Variants in DST observed in about 807,000 individuals in gnomAD.
DST encodes the protein dystonin, also known as bullous pemphigoid antigen.
Under a neutral mutation model 875.2 loss-of-function variants are expected in DST, and 253 were observed. The ratio of observed to expected loss-of-function variants is 0.29; its 90% CI spans 0.26 to 0.32. DST has a LOEUF of 0.32. Among genes scored for constraint, DST ranks in the 10% least tolerant of loss-of-function variants. The pLI, the probability that DST is intolerant of heterozygous loss-of-function variation, is 1.00. For synonymous variants in DST, 3,124 were observed against 3,197.1 expected (o/e 0.98, Z 0.77); for missense variants, 8,287 against 9,111.6 (o/e 0.91, Z 3.68).
At chr6:56,772,859 T>C (rs2099670089) in intron 4 of DST, among the ~76,000 whole-genome samples, 3 of 152,184 alleles carry the variant, frequency 2.0e-5, no homozygotes, top group South Asian at 4.1e-4. Context: ...AGGGTTGTCA[T>C]TGTGACCAAC....
In DST at chr6:56,492,985, A is replaced by T; in HGVS notation, c.20499T>A (p.Ser6833=). ...TQAEQTLNVA[S]RPSLILDTVL... Reference sequence around the variant, plus strand: ...CTGTGTCCAAGATGAGACTTGGCCGAGAAGCTACATTTAGGGTCTGTTCAG... The same window carrying T: ...CTGTGTCCAAGATGAGACTTGGCCGTGAAGCTACATTTAGGGTCTGTTCAG... Residue 6833 remains serine, a synonymous_variant, in exon 84 of 104, where the codon TCT becomes TCA. Transcript: ENST00000680361. 6.2e-7 allele frequency: 1 copy of T among 1,612,756 alleles called. No homozygotes were observed.
intron 92 of DST, among the ~76,000 whole-genome samples, chr6:56,474,580 T>A (rs1180947075): frequency 6.6e-6 from 1 of 152,136 alleles, no homozygotes; most frequent in African/African-American, 2.4e-5. Context: ...ATAACCTGCA[T>A]GGACACATGG....
In DST at chr6:56,632,939, A is replaced by G; in HGVS notation, c.3720T>C (p.Phe1240=). ...CCAGTTGTGTTATATCTGAGCCTGA[A>G]AAGACTTGGGATTCCTGGCTATCTT... ...FLEDSQESQV[F]SGSDITQLEK... The change falls in exon 28 of 104, where the codon TTT becomes TTC. Residue 1240 remains phenylalanine (F), a synonymous_variant. Transcript: ENST00000680361. 1 of 1,614,010 alleles carries G rather than the reference A, an allele frequency of 6.2e-7. No individual in the cohort carries two copies. The highest frequency in any genetic ancestry group is 8.5e-7 in the Non-Finnish European group (1 of 1,179,954).
intron 9 of DST, among the ~76,000 whole-genome samples, chr6:56,691,056 T>C (rs1372871130): frequency 6.6e-6 from 1 of 152,234 alleles, no homozygotes; most frequent in Non-Finnish European, 1.5e-5. Flanking sequence ...GGTCAGTTTA[T>C]GACTTATTTC....
chr6:56,494,296 T>A, intron 82 of DST, 116 bp from the exon 83 acceptor site: 4 of 905,882 alleles, frequency 4.4e-6, no homozygotes, highest in Non-Finnish European at 6.4e-6. Context: ...GTTTGCTCTC[T>A]CAGGGCAACC....
rs2152708373 is a variant in DST at position 56,604,699 on chromosome 6, T to A, written c.9929A>T (p.Asp3310Val). Residue 3310 changes from aspartate to valine, a missense_variant, in exon 40 of 104, where the codon GAC becomes GTC. Transcript: ENST00000680361. Reference sequence around the variant, plus strand: ...ATTATTAATTTCTAAGAATGAATAGTCAGTATTTAAAGTGTTACTGGAGTT... The same window carrying A: ...ATTATTAATTTCTAAGAATGAATAGACAGTATTTAAAGTGTTACTGGAGTT... ...NDNSSNTLNT[D>V]YSFLEINNKK... 3.7e-6 allele frequency: 6 copies of A among 1,612,030 alleles called. No individual in the cohort carries two copies. Among genetic ancestry groups the A allele is most frequent in the Non-Finnish European group, 4.2e-6 (5 of 1,178,798 alleles).
At chr6:56,631,169 G>T in intron 30 of DST, 42 bp downstream of exon 30, 1 of 1,083,944 alleles carries the variant, frequency 9.2e-7, no homozygotes, top group Non-Finnish European at 1.3e-6. Context: ...AAAAATGAGA[G>T]TTGTATGAAG....
chr6:56,729,450 C>A (rs1227130114), intron 5 of DST, among the ~76,000 whole-genome samples: 1 of 151,920 alleles, frequency 6.6e-6, no homozygotes, highest in African/African-American at 2.4e-5. Context: ...ATTAGCTGGG[C>A]GTGGTGGCAC....
chr6:56,797,259 C>A (rs1410258450), intron 4 of DST, among the ~76,000 whole-genome samples: 2 of 152,172 alleles, frequency 1.3e-5, no homozygotes, highest in Admixed American at 1.3e-4. Context: ...GTTCCAACAA[C>A]CAGCCACCAT....
chr6:56,579,910 T>A (rs2097937472), intron 49 of DST, among the ~76,000 whole-genome samples: 1 of 152,100 alleles, frequency 6.6e-6, no homozygotes, highest in Non-Finnish European at 1.5e-5. Context: ...AAAAGTCCAA[T>A]GGAAACGAAA....
Position 56,608,963 on chromosome 6 carries a change from C to T in DST, c.5665G>A (p.Glu1889Lys). ...AAAGCCTTCTGTAGGGTCAACTGTT[C>T]TCCTGTGGCTGGAATAACCAGAGAG... ...TGSLVIPATGEQLTLQKAFQQ... is the reference protein window; with the variant it reads ...TGSLVIPATGKQLTLQKAFQQ... Residue 1889 changes from glutamate (E) to lysine (K), a missense_variant, in exon 40 of 104, where the codon GAA becomes AAA. By Grantham distance (56) the Glu-to-Lys change is moderately conservative. Around this residue, in one of 10 missense-constraint regions of DST, gnomAD observed 3,138 missense variants for 3,116.6 expected, o/e 1.01. Transcript: ENST00000680361. 2 of 1,613,802 alleles carry T rather than the reference C, an allele frequency of 1.2e-6. No homozygotes were observed. The highest frequency in any genetic ancestry group is 2.2e-5 in the South Asian group (2 of 91,078).
chr6:56,685,229 T>G (rs1305575116), intron 9 of DST, among the ~76,000 whole-genome samples: 4 of 152,242 alleles, frequency 2.6e-5, no homozygotes, highest in Admixed American at 2.6e-4. Flanking sequence ...GAATAAATAT[T>G]TGCAGACTAT....
chr6:56,836,913 A>G (rs2099794485), intron 4 of DST, among the ~76,000 whole-genome samples: 1 of 151,854 alleles, frequency 6.6e-6, no homozygotes, highest in Admixed American at 6.5e-5. Flanking sequence ...TTTTGAAATA[A>G]AAACAAATAT....
chr6:56,942,711 T>C (rs1184345395), intron 2 of DST, among the ~76,000 whole-genome samples: 2 of 142,926 alleles, frequency 1.4e-5, no homozygotes, highest in African/African-American at 2.6e-5. Flanking sequence ...TTTCTCTTTT[T>C]TTTTTTTTTT....
At chr6:56,725,080 A>G (rs574463981) in intron 5 of DST, among the ~76,000 whole-genome samples, 2 of 152,366 alleles carry the variant, frequency 1.3e-5, no homozygotes, top group South Asian at 4.1e-4. Context: ...TTTACAAATG[A>G]GAAAACTAAG....
At chr6:56,953,587 A>G (rs141024298) in intron 2 of DST, among the ~76,000 whole-genome samples, 198 bp downstream of exon 2, 1 of 152,332 alleles carries the variant, frequency 6.6e-6, no homozygotes, top group Non-Finnish European at 1.5e-5. Flanking sequence ...CAACAGCTCC[A>G]CTACACAAGA....
At chr6:56,701,127 G>A (rs1478591821) in intron 8 of DST, among the ~76,000 whole-genome samples, 2 of 151,200 alleles carry the variant, frequency 1.3e-5, no homozygotes, top group South Asian at 2.1e-4. Context: ...TTACTGGCAT[G>A]AGCCACCACA....
intron 56 of DST, 42 bp from the exon 57 acceptor site, chr6:56,561,591 C>T (rs1231492597): frequency 6.4e-7 from 1 of 1,568,394 alleles, no homozygotes; most frequent in South Asian, 1.2e-5. Context: ...ATTTTCAGGA[C>T]ATTTGGAGCA....
At chr6:56,871,363 T>A in intron 3 of DST, 1 of 1,124,714 alleles carries the variant, frequency 8.9e-7, no homozygotes, top group Non-Finnish European at 1.4e-6. Context: ...AAACAGTGTG[T>A]ACCATTCCAA....
Sources: allele counts gnomAD v4.1 joint callset (sites outside exome capture counted in the v4.1 genomes callset), GRCh38; gene constraint gnomAD v4.1.1; regional missense constraint gnomAD v4.1.1; transcripts MANE v1.5; gene names NCBI Gene and HGNC (gene_info 2026-07-23, HGNC 2026-07-21).